ZNF398: variants seen among roughly 807,000 people sequenced by gnomAD.
ZNF398 encodes zinc finger DNA binding protein ZER6.
ZNF398 carries 18 observed loss-of-function variants against 41.9 expected under a neutral mutation model. That is an observed-to-expected ratio of 0.43 (90% CI 0.30 to 0.64). The LOEUF (loss-of-function observed/expected upper bound fraction) is 0.64. Ranked by LOEUF, ZNF398 falls within the 30% of genes least tolerant of loss-of-function variation. The pLI is 0.14. For synonymous variants in ZNF398, 260 were observed against 308.8 expected (o/e 0.84, Z 1.66); for missense variants, 669 against 822.8 (o/e 0.81, Z 2.29).
At chr7:149,164,891 C>T (rs1239403947) in intron 2 of ZNF398, among the ~76,000 whole-genome samples, 1 of 151,974 alleles carries the variant, frequency 6.6e-6, no homozygotes, top group African/African-American at 2.4e-5. Flanking sequence ...GTCAGGAACT[C>T]GAGACCAGCC....
At chr7:149,168,756 T>C (rs1795274116) in intron 4 of ZNF398, among the ~76,000 whole-genome samples, 1 of 152,002 alleles carries the variant, frequency 6.6e-6, no homozygotes, top group Admixed American at 6.6e-5. Context: ...GGTTTCACCA[T>C]GTTGGCCAGG....
chr7:149,164,451 A>G (rs1795183248), intron 2 of ZNF398, among the ~76,000 whole-genome samples: 1 of 152,070 alleles, frequency 6.6e-6, no homozygotes, highest in South Asian at 2.1e-4. Flanking sequence ...AAAGAAATAC[A>G]CTGAGCACTA....
intron 4 of ZNF398, among the ~76,000 whole-genome samples, chr7:149,174,926 C>A (rs540520397): frequency 3.3e-5 from 5 of 152,246 alleles, no homozygotes; most frequent in South Asian, 2.1e-4. Context: ...TCTTTCCCCC[C>A]CTCTGCCTTT....
chr7:149,135,356 C>G (rs1162032571), intron 2 of ZNF398, among the ~76,000 whole-genome samples: 1 of 130,158 alleles, frequency 7.7e-6, no homozygotes, highest in Non-Finnish European at 1.5e-5. Flanking sequence ...CGCCACTGCA[C>G]TCCAGCCTGG....
chr7:149,128,356 G>A (rs1248003836), intron 1 of ZNF398, among the ~76,000 whole-genome samples: 1 of 152,102 alleles, frequency 6.6e-6, no homozygotes, highest in African/African-American at 2.4e-5. Context: ...GGAGTGTCTG[G>A]GTTAAGATAA....
intron 4 of ZNF398, among the ~76,000 whole-genome samples, chr7:149,168,073 T>C (rs558324703): frequency 6.6e-6 from 1 of 152,122 alleles, no homozygotes; most frequent in East Asian, 1.9e-4. Context: ...CAGCCATCCG[T>C]CTATTATTTA....
At chr7:149,156,640 C>G (rs1053284157) in intron 2 of ZNF398, among the ~76,000 whole-genome samples, 3 of 151,490 alleles carry the variant, frequency 2.0e-5, no homozygotes, top group African/African-American at 7.3e-5. Flanking sequence ...AGGTGGATCA[C>G]CTGAGGTGAG....
rs571546341 is a variant in ZNF398 at position 149,176,532 on chromosome 7, G to T, written c.726G>T (p.Gly242=). 6.2e-6 allele frequency: 10 copies of T among 1,613,114 alleles called. No individual in the cohort carries two copies. The South Asian group carries it at 9.9e-5, about 16-fold the overall frequency. The change falls in exon 5 of 6, where the codon GGG becomes GGT. Residue 242 remains glycine (G), a synonymous_variant. Coordinates refer to ENST00000475153, the MANE Select transcript of ZNF398 (RefSeq NM_170686.3). ...AACAAGAAGAAGAGCCTCAGGTTGG[G>T]GCCCCACCGGAGTCCAAGGAGAGTG... ...WIKQEEEPQV[G]APPESKESDV...
chr7:149,138,521 A>C (rs1224164637), intron 2 of ZNF398, among the ~76,000 whole-genome samples: 1 of 152,132 alleles, frequency 6.6e-6, no homozygotes, highest in Non-Finnish European at 1.5e-5. Context: ...CAGAGGTTGC[A>C]ATGAGCCGAG....
At position 149,178,795 on chromosome 7, in the gene ZNF398, CT is replaced by C; in HGVS notation, c.927del (p.Phe309LeufsTer16). 6.2e-7 allele frequency: 1 copy of C among 1,614,174 alleles called. No homozygotes were observed. Among genetic ancestry groups the C allele is most frequent in the Non-Finnish European group, 8.5e-7 (1 of 1,180,044 alleles). On this transcript the variant is annotated frameshift_variant, in exon 6 of 6. Coordinates refer to ENST00000475153, the MANE Select transcript of ZNF398 (RefSeq NM_170686.3). LOFTEE classifies it low-confidence loss of function (END_TRUNC). ...AGCCAGCAGTCTACATCCATGACAC[CT>C]TTTGGACGTCCAGCCACTGACCTGC... ...FKSQQSTSMT[P>X]FGRPATDLPE...
chr7:149,177,600 A>G (rs1226040215), intron 5 of ZNF398, among the ~76,000 whole-genome samples: 1 of 152,308 alleles, frequency 6.6e-6, no homozygotes, highest in South Asian at 2.1e-4. Context: ...AGGACAGAGT[A>G]AGTCAAGATG....
intron 4 of ZNF398, among the ~76,000 whole-genome samples, chr7:149,175,127 G>T (rs1417827227): frequency 6.6e-6 from 1 of 152,136 alleles, no homozygotes; most frequent in Non-Finnish European, 1.5e-5. Flanking sequence ...TCTTACCCCA[G>T]CCTCTTATTT....
At chr7:149,152,593 T>C (rs1162681963) in intron 1 of ZNF398, among the ~76,000 whole-genome samples, 1 of 147,616 alleles carries the variant, frequency 6.8e-6, no homozygotes, top group Admixed American at 6.8e-5. Flanking sequence ...TGAGACGGAG[T>C]TTTGCTCTTA....
At position 149,147,723 on chromosome 7, in the gene ZNF398, G is replaced by A; in HGVS notation, c.-20G>A. On this transcript the variant is annotated 5_prime_UTR_variant, in exon 1 of 6. Transcript: ENST00000475153. The surrounding 1 kb of genome is among the most constrained non-coding windows in gnomAD (Gnocchi z 5.6). ...GCAGCGGCGGCGACTTCCGAGGCCC[G>A]GGCTAGACAGCGCAGGGCCATGGCT... 3 of 1,328,202 alleles carry A rather than the reference G, an allele frequency of 2.3e-6. No homozygotes were observed. Among genetic ancestry groups the A allele is most frequent in the Non-Finnish European group, 1.9e-6 (2 of 1,041,444 alleles). 82.3% of individuals were successfully genotyped at this position (1,328,202 alleles called of 1,614,324 possible).
chr7:149,174,726 C>A (rs929314273), intron 4 of ZNF398, among the ~76,000 whole-genome samples: 1 of 152,068 alleles, frequency 6.6e-6, no homozygotes, highest in East Asian at 1.9e-4. Context: ...CTAGGGAGAC[C>A]GAGGTGGAAT....
In ZNF398 at chr7:149,179,877, C is replaced by T; in HGVS notation, c.*76C>T. The T allele has an allele frequency of 7.7e-7, 1 of 1,301,694 alleles. No individual in the cohort carries two copies. The highest frequency in any genetic ancestry group is 1.5e-5 in the South Asian group (1 of 65,724). 80.6% of individuals were successfully genotyped at this position (1,301,694 alleles called of 1,614,324 possible). Reference sequence around the variant, plus strand: ...AATCCAAGAGAAGGTCTGTGAGCCCCATCCAACACCCACAGTAATTATTAT... The same window carrying T: ...AATCCAAGAGAAGGTCTGTGAGCCCTATCCAACACCCACAGTAATTATTAT... On this transcript the variant is annotated 3_prime_UTR_variant, in exon 6 of 6. Transcript: ENST00000475153. This position sits in a 1 kb window ranked among gnomAD's most constrained non-coding sequence, Gnocchi z 6.1.
At chr7:149,135,389 CAAAA>C (rs777888671) in intron 2 of ZNF398, among the ~76,000 whole-genome samples, 4 of 61,410 alleles carry the variant, frequency 6.5e-5, no homozygotes, top group Admixed American at 2.2e-4. Context: ...GACTCTGTCT[CAAAA>C]AAAAAAAAAA....
upstream of ZNF398, among the ~76,000 whole-genome samples, chr7:149,142,598 C>T (rs1826850614): frequency 1.3e-5 from 2 of 152,312 alleles, no homozygotes; most frequent in South Asian, 2.1e-4. Flanking sequence ...AGCCTGGAGG[C>T]GGAGCTTGCA....
intron 2 of ZNF398, among the ~76,000 whole-genome samples, chr7:149,162,921 A>G (rs887648335): frequency 7.9e-5 from 12 of 151,776 alleles, no homozygotes; most frequent in African/African-American, 2.7e-4. Flanking sequence ...GGTTGCAGTG[A>G]GCTGAGATCG....
Sources: allele counts gnomAD v4.1 joint callset (sites outside exome capture counted in the v4.1 genomes callset), GRCh38; gene constraint gnomAD v4.1.1; non-coding constraint Gnocchi (gnomAD v3.1); transcripts MANE v1.5; gene names NCBI Gene and HGNC (gene_info 2026-07-23, HGNC 2026-07-21).